The following SEC24D variants were observed in gnomAD, a reference collection of about 807,000 sequenced individuals.
SEC24D encodes protein transport protein Sec24D.
SEC24D carries 69 observed loss-of-function variants against 116.9 expected under a neutral mutation model. The observed-to-expected ratio is 0.59, with a 90% confidence interval of 0.49 to 0.72. The LOEUF is 0.72. SEC24D is among the 30% of genes least tolerant of loss of function. The probability of loss-of-function intolerance (pLI) is 0.00; values close to 1 mark genes in which losing one functional copy is unlikely to be tolerated. For synonymous variants in SEC24D, 405 were observed against 442.8 expected (o/e 0.91, Z 1.07); for missense variants, 1,131 against 1,264.1 (o/e 0.89, Z 1.60).
chr4:118,740,542 G>A lies in SEC24D; in HGVS notation c.2238+121C>T, dbSNP rs79338271. On this transcript the variant is annotated intron_variant, in intron 17 of 22. Coordinates refer to ENST00000280551, the MANE Select transcript of SEC24D (RefSeq NM_014822.4). ...TTCTAATCTACTGACTTTTGACTTT[G>A]GAGAAAGAGTTGAATTTTTTTATGA... 574 of 1,099,780 alleles carry A rather than the reference G, an allele frequency of 5.2e-4. 2 individuals carry two copies. The African/African-American group carries it at 7.7e-3, about 15-fold the overall frequency. The allele number at this position is 1,099,780 out of a possible 1,614,324, so 68.1% of individuals were successfully genotyped here.
At chr4:118,755,683 G>C (rs536937069) in intron 11 of SEC24D, among the ~76,000 whole-genome samples, 40 of 152,158 alleles carry the variant, frequency 2.6e-4, no homozygotes, top group Non-Finnish European at 4.7e-4. Context: ...CAAGACTTCA[G>C]ACTGTGCTTT....
intron 10 of SEC24D, among the ~76,000 whole-genome samples, chr4:118,761,464 T>C (rs1028433630): frequency 3.3e-5 from 5 of 152,222 alleles, no homozygotes; most frequent in Non-Finnish European, 7.3e-5. Context: ...AATAAAAAGA[T>C]AGACTGCGTC....
At chr4:118,791,357 G>A (rs1008607165) in intron 8 of SEC24D, among the ~76,000 whole-genome samples, 3 of 152,176 alleles carry the variant, frequency 2.0e-5, no homozygotes, top group African/African-American at 7.2e-5. Flanking sequence ...TTAGACACCA[G>A]AGTCTCTGTG....
chr4:118,783,373 C>T (rs1021056129), intron 8 of SEC24D, among the ~76,000 whole-genome samples: 5 of 152,200 alleles, frequency 3.3e-5, no homozygotes, highest in African/African-American at 1.2e-4. Context: ...CTACTTTTTC[C>T]TTCCTCCATA....
At chr4:118,809,162 C>T (rs1233726180) in intron 6 of SEC24D, among the ~76,000 whole-genome samples, 1 of 151,972 alleles carries the variant, frequency 6.6e-6, no homozygotes, top group Non-Finnish European at 1.5e-5. Context: ...TTAGTAGAGA[C>T]GGGGTTTCAC....
intron 8 of SEC24D, among the ~76,000 whole-genome samples, chr4:118,793,261 A>G (rs1467161256): frequency 6.6e-6 from 1 of 151,748 alleles, no homozygotes; most frequent in Non-Finnish European, 1.5e-5. Flanking sequence ...AGGTCAGGAG[A>G]TAGAGACCAT....
intron 8 of SEC24D, among the ~76,000 whole-genome samples, chr4:118,777,623 C>A (rs1728199481): frequency 6.6e-6 from 1 of 152,182 alleles, no homozygotes; most frequent in South Asian, 2.1e-4. Context: ...TGGGTATATA[C>A]CCAGTAATGG....
chr4:118,805,674 T>G (rs1729645438), intron 7 of SEC24D, among the ~76,000 whole-genome samples, 169 bp downstream of exon 7: 1 of 152,202 alleles, frequency 6.6e-6, no homozygotes, highest in South Asian at 2.1e-4. Flanking sequence ...AGAATAAAAT[T>G]CAGTTGATAG....
intron 2 of SEC24D, among the ~76,000 whole-genome samples, chr4:118,829,551 GCCTATAAT>G (rs1391218994): frequency 1.3e-5 from 2 of 152,170 alleles, no homozygotes; most frequent in Non-Finnish European, 2.9e-5. Context: ...GGTGGCTCAT[GCCTATAAT>G]CCCAGCACTT....
chr4:118,748,099 A>G (rs1234908734), intron 13 of SEC24D, among the ~76,000 whole-genome samples: 1 of 152,048 alleles, frequency 6.6e-6, no homozygotes, highest in African/African-American at 2.4e-5. Flanking sequence ...CCCCATCTCT[A>G]CTAAAAATAC....
chr4:118,796,219 C>A (rs776865704), intron 8 of SEC24D, among the ~76,000 whole-genome samples: 6 of 152,098 alleles, frequency 3.9e-5, no homozygotes, highest in Non-Finnish European at 7.4e-5. Context: ...TTGAAAATAG[C>A]TTTGAAAATA....
chr4:118,744,223 A>T lies in SEC24D; in HGVS notation c.1825-65T>A, dbSNP rs1430326741. On this transcript the variant is annotated intron_variant, in intron 14 of 22. Coordinates refer to ENST00000280551, the MANE Select transcript of SEC24D (RefSeq NM_014822.4). The stretch of plus-strand genomic sequence containing the variant: ...ACAAAATGTTTTTGGTTTAAATTTT[A>T]AATTTCTATTGAATTCTTATTGAAT... The T allele has an allele frequency of 2.2e-6, 3 of 1,361,074 alleles. No individual in the cohort carries two copies. In the African/African-American group the frequency reaches 4.5e-5, roughly 20 times the overall value. 84.3% of individuals were successfully genotyped at this position (1,361,074 alleles called of 1,614,324 possible). A position where few individuals can be genotyped will look rare whatever the true frequency, so the allele number is the denominator to read the frequency against.
chr4:118,734,395 T>C (rs1725852467), intron 19 of SEC24D, among the ~76,000 whole-genome samples: 1 of 151,850 alleles, frequency 6.6e-6, no homozygotes, highest in African/African-American at 2.4e-5. Flanking sequence ...GTTTTTTTAG[T>C]AGAGATGGGG....
chr4:118,761,328 C>G (rs933075504), intron 10 of SEC24D, among the ~76,000 whole-genome samples: 1 of 152,142 alleles, frequency 6.6e-6, no homozygotes, highest in Non-Finnish European at 1.5e-5. Context: ...TTTAATTGTC[C>G]TCATGGCCTA....
chr4:118,787,863 G>T (rs1295755161), intron 8 of SEC24D, among the ~76,000 whole-genome samples: 1 of 152,156 alleles, frequency 6.6e-6, no homozygotes, highest in East Asian at 1.9e-4. Flanking sequence ...CTGACACCAG[G>T]ATAGAGTGAC....
intron 8 of SEC24D, among the ~76,000 whole-genome samples, chr4:118,788,832 T>C (rs1265294153): frequency 6.6e-6 from 1 of 152,196 alleles, no homozygotes; most frequent in Non-Finnish European, 1.5e-5. Context: ...AGGCCTAAAA[T>C]ACCAACAAAT....
rs571583345 is a variant in SEC24D, at chr4:118,815,663, G to A, written c.461C>T (p.Thr154Ile). Residue 154 changes from threonine (T) to isoleucine (I), a missense_variant, in exon 5 of 23, where the codon ACT becomes ATT. Physicochemically the swap from Thr to Ile is moderately conservative, Grantham distance 89 (BLOSUM62 -1). Coordinates refer to ENST00000280551, the MANE Select transcript of SEC24D (RefSeq NM_014822.4). ...GGAAGGCTGTGGAGGTCGTGGAGGA[G>A]TCTGCAATGATGTGGCTGACAGAGG... Reference protein sequence around the residue: ...PGPLSATSLQTPPRPPQPSIL... With the variant: ...PGPLSATSLQIPPRPPQPSIL... The A allele has an allele frequency of 1.2e-4, 201 of 1,614,000 alleles. 2 individuals carry two copies. In the South Asian group the frequency reaches 1.8e-3, roughly 14 times the overall value.
At chr4:118,746,226 GGGGA>G (rs933318175) in intron 13 of SEC24D, among the ~76,000 whole-genome samples, 1 of 89,028 alleles carries the variant, frequency 1.1e-5, no homozygotes, top group Non-Finnish European at 2.6e-5. Flanking sequence ...GGGGAGGTTG[GGGGA>G]GGGAGGGAGG....
At position 118,768,290 on chromosome 4, in the gene SEC24D, G is replaced by A; in HGVS notation, c.1063C>T (p.His355Tyr). ...CATCTGACTGGTCCACTCTCGCCGT[G>A]ATTTACCAAGTAAAGGGGACTCTAT... ...SNESPLYLVN[H>Y]GESGPVRCNR... The change falls in exon 9 of 23, where the codon CAC becomes TAC. Residue 355 changes from histidine to tyrosine, a missense_variant. By Grantham distance (83) the His-to-Tyr change is moderately conservative (BLOSUM62 2). Transcript: ENST00000280551. 1.2e-6 allele frequency: 2 copies of A among 1,612,292 alleles called. No homozygotes were observed. The highest frequency in any genetic ancestry group is 1.3e-5 in the African/African-American group (1 of 74,866).
Sources: allele counts gnomAD v4.1 joint callset (sites outside exome capture counted in the v4.1 genomes callset), GRCh38; gene constraint gnomAD v4.1.1; transcripts MANE v1.5; gene names NCBI Gene and HGNC (gene_info 2026-07-23, HGNC 2026-07-21).